The following TMTC1 variants were observed in gnomAD, a reference collection of about 807,000 sequenced individuals.
TMTC1 encodes transmembrane O-mannosyltransferase targeting cadherins 1.
A neutral mutation model predicts 104.8 loss-of-function variants in TMTC1; 73 were observed. That is an observed-to-expected ratio of 0.70 (90% confidence interval 0.58 to 0.85). The LOEUF is 0.85. Among genes scored for constraint, TMTC1 ranks in the 40% least tolerant of loss-of-function variants. The pLI is 0.00. For missense variants in TMTC1, 1,035 were observed against 1,096.1 expected (o/e 0.94, Z 0.79); for synonymous variants, 434 against 428.7 (o/e 1.01, Z -0.15).
chr12:29,604,260 G>A lies in TMTC1; in HGVS notation c.1168C>T (p.Leu390=). The A allele has an allele frequency of 1.2e-6, 2 of 1,613,970 alleles. No individual in the cohort carries two copies. The highest frequency in any genetic ancestry group is 1.7e-6 in the Non-Finnish European group (2 of 1,179,900). Residue 390 remains leucine, a synonymous_variant, in exon 7 of 18, where the codon CTG becomes TTG. Transcript: ENST00000539277. ...CTGGCTGGAATGAACGGGAACACCA[G>A]GAACAACAAGCCGACTAAAACCTCC... ...HKEVLVGLLF[L]VFPFIPASNL...
chr12:29,556,252 T>C (rs1365079786), intron 10 of TMTC1, among the ~76,000 whole-genome samples: 3 of 152,168 alleles, frequency 2.0e-5, no homozygotes, highest in Non-Finnish European at 4.4e-5. Flanking sequence ...ACACTAGAGG[T>C]TATGTCTGAG....
At chr12:29,698,896 T>G (rs191676913) in intron 5 of TMTC1, among the ~76,000 whole-genome samples, 1 of 152,262 alleles carries the variant, frequency 6.6e-6, no homozygotes, top group African/African-American at 2.4e-5. Flanking sequence ...CCCCATACTC[T>G]CCAGCTGTGA....
At chr12:29,660,002 TTCAG>T (rs1240151665) in intron 5 of TMTC1, 1 of 1,515,652 alleles carries the variant, frequency 6.6e-7, no homozygotes, top group Admixed American at 2.0e-5. Flanking sequence ...AATAAGAAGA[TTCAG>T]TGAGATTGCC....
intron 5 of TMTC1, among the ~76,000 whole-genome samples, chr12:29,733,267 G>A (rs1942590890): frequency 6.6e-6 from 1 of 152,138 alleles, no homozygotes; most frequent in South Asian, 2.1e-4. Context: ...AGTCACAGAT[G>A]GTGTGGGTGG....
intron 6 of TMTC1, among the ~76,000 whole-genome samples, chr12:29,627,876 G>A (rs925587186): frequency 8.5e-5 from 13 of 152,138 alleles, no homozygotes; most frequent in African/African-American, 3.1e-4. Context: ...TGACCTTCTT[G>A]TTATTTCTTA....
intron 5 of TMTC1, among the ~76,000 whole-genome samples, chr12:29,639,182 G>A (rs899195314): frequency 9.2e-5 from 14 of 152,170 alleles, no homozygotes; most frequent in Admixed American, 8.5e-4. Context: ...TGCATTGCTG[G>A]TGAGAACACA....
At chr12:29,555,162 G>C (rs1945207266) in intron 10 of TMTC1, among the ~76,000 whole-genome samples, 1 of 92,804 alleles carries the variant, frequency 1.1e-5, no homozygotes, top group Non-Finnish European at 1.9e-5. Flanking sequence ...TTTTGAGACA[G>C]AGTCTCACTC....
chr12:29,599,954 A>ATGTG, intron 7 of TMTC1, among the ~76,000 whole-genome samples: 1 of 144,538 alleles, frequency 6.9e-6, no homozygotes, highest in South Asian at 2.1e-4. Flanking sequence ...GTGTATATAT[A>ATGTG]TGTGTATATA....
chr12:29,678,582 T>C (rs1940809580), intron 5 of TMTC1, among the ~76,000 whole-genome samples: 1 of 151,658 alleles, frequency 6.6e-6, no homozygotes. Flanking sequence ...ATCAGGGACA[T>C]TTGTTTCAGA....
intron 10 of TMTC1, among the ~76,000 whole-genome samples, chr12:29,552,813 A>G (rs2136245894): frequency 6.6e-6 from 1 of 152,380 alleles, no homozygotes; most frequent in South Asian, 2.1e-4. Context: ...TCAATAACTC[A>G]AAAGTTAACT....
In TMTC1 at chr12:29,529,248, C is replaced by T. The variant is rs544514548; in HGVS notation, c.1785+6961G>A. On this transcript the variant is annotated intron_variant, in intron 11 of 17. Transcript: ENST00000539277. ...AACCTTCATGGACCCTGGGGGTCTCCAGTCAACAATTAGCAAACAGATTAA... is the reference window on the plus strand; with the variant it reads ...AACCTTCATGGACCCTGGGGGTCTCTAGTCAACAATTAGCAAACAGATTAA... Among the ~76,000 whole-genome samples the T allele has an allele frequency of 1.2e-4, 19 of 152,216 alleles. No individual in the cohort carries two copies. The South Asian group carries it at 3.9e-3, about 32-fold the overall frequency.
At chr12:29,591,200 C>T (rs1003120340) in intron 7 of TMTC1, among the ~76,000 whole-genome samples, 7 of 152,196 alleles carry the variant, frequency 4.6e-5, no homozygotes, top group Non-Finnish European at 1.0e-4. Flanking sequence ...AGACGTTTCT[C>T]CACTATGAAA....
chr12:29,675,857 A>G (rs1291469737), intron 5 of TMTC1, among the ~76,000 whole-genome samples: 2 of 152,214 alleles, frequency 1.3e-5, no homozygotes, highest in Non-Finnish European at 2.9e-5. Flanking sequence ...ACAAAATGGA[A>G]AGGAGGGAAG....
chr12:29,627,645 A>C (rs1023429673), intron 6 of TMTC1, among the ~76,000 whole-genome samples: 3 of 151,542 alleles, frequency 2.0e-5, no homozygotes, highest in Non-Finnish European at 4.4e-5. Flanking sequence ...TCCACAAAGA[A>C]ACTTGTACAC....
intron 5 of TMTC1, among the ~76,000 whole-genome samples, chr12:29,724,511 A>T (rs1390632453): frequency 6.6e-6 from 1 of 152,192 alleles, no homozygotes; most frequent in Non-Finnish European, 1.5e-5. Context: ...CCATCACCAC[A>T]TTCTGGATGA....
In TMTC1 at chr12:29,774,063, C is replaced by T. The variant is rs143270939; in HGVS notation, c.303-5988G>A. 5.9e-3 allele frequency among the ~76,000 whole-genome samples: 895 copies of T among 152,236 alleles called. 9 individuals carry two copies. The highest frequency in any genetic ancestry group is 0.033 in the South Asian group (158 of 4,814). The stretch of plus-strand genomic sequence containing the variant: ...GTGTGTGCAGGTGGCATGTGATAAA[C>T]GCATGCCAGCATTCCTATCTCAATA... On this transcript the variant is annotated intron_variant, in intron 1 of 17. Transcript: ENST00000539277.
intron 5 of TMTC1, among the ~76,000 whole-genome samples, chr12:29,656,376 T>A (rs1023822896): frequency 2.0e-5 from 3 of 146,744 alleles, no homozygotes; most frequent in Non-Finnish European, 4.5e-5. Context: ...TTTTTTTTTT[T>A]AAAGACAGAG....
At chr12:29,745,092 T>A (rs540601453) in intron 5 of TMTC1, among the ~76,000 whole-genome samples, 1 of 152,088 alleles carries the variant, frequency 6.6e-6, no homozygotes, top group African/African-American at 2.4e-5. Flanking sequence ...TGCCCAACTT[T>A]AATTTTTTTT....
chr12:29,643,637 TAA>T lies in TMTC1; in HGVS notation c.939-10303_939-10302del, dbSNP rs1491038142. Among the ~76,000 whole-genome samples the T allele has an allele frequency of 2.3e-4, 4 of 17,608 alleles. 1 individual carries two copies. Among genetic ancestry groups the T allele is most frequent in the African/African-American group, 5.3e-4 (2 of 3,784 alleles). The allele number at this position is 17,608 out of a possible 152,430, so 11.6% of individuals were successfully genotyped here. A position where few individuals can be genotyped will look rare whatever the true frequency, so the allele number is the denominator to read the frequency against. On this transcript the variant is annotated intron_variant, in intron 5 of 17. Transcript: ENST00000539277. ...AATATATATCTATATATTATATATA[TAA>T]TATATATGTTATATTATATAATATA...
Sources: gnomAD v4.1 joint callset for allele counts (sites outside exome capture counted in the v4.1 genomes callset) on GRCh38, gnomAD v4.1.1 for gene constraint, MANE v1.5 for transcripts, NCBI Gene and HGNC (gene_info 2026-07-23, HGNC 2026-07-21) for gene names.